Variants in SHROOM3 observed in about 807,000 individuals in gnomAD.
SHROOM3 encodes shroom family member 3.
In SHROOM3, 47 loss-of-function variants were observed where a neutral mutation model predicts 138.6. The ratio of observed to expected loss-of-function variants is 0.34; its 90% CI spans 0.27 to 0.43. SHROOM3 has a LOEUF of 0.43. Among genes scored for constraint, SHROOM3 ranks in the 20% least tolerant of loss-of-function variants. The probability of loss-of-function intolerance (pLI) is 1.00; values close to 1 mark genes in which losing one functional copy is unlikely to be tolerated. For missense variants in SHROOM3, 2,491 were observed against 2,596.5 expected (o/e 0.96, Z 0.88); for synonymous variants, 1,062 against 1,063.3 (o/e 1.00, Z 0.02).
chr4:76,742,153 T>C, intron 5 of SHROOM3: 1 of 473,058 alleles, frequency 2.1e-6, no homozygotes, highest in Non-Finnish European at 3.6e-6. Flanking sequence ...ATACAGATTC[T>C]CTATCTATCT....
chr4:76,741,856 G>C lies in SHROOM3; in HGVS notation c.3683G>C (p.Arg1228Pro). 6.2e-7 allele frequency: 1 copy of C among 1,610,272 alleles called. No individual in the cohort carries two copies. The highest frequency in any genetic ancestry group is 8.5e-7 in the Non-Finnish European group (1 of 1,179,176). ...ATGTCGGCCGAGGACCTGCTGGAACGCTCGGACGTCCTTGCGGGCCCTGTC... is the reference window on the plus strand; with the variant it reads ...ATGTCGGCCGAGGACCTGCTGGAACCCTCGGACGTCCTTGCGGGCCCTGTC... ...KSMSAEDLLERSDVLAGPVHV... is the reference protein window; with the variant it reads ...KSMSAEDLLEPSDVLAGPVHV... Residue 1228 changes from arginine (R) to proline (P), a missense_variant, in exon 5 of 11, where the codon CGC becomes CCC. Coordinates refer to ENST00000296043, the MANE Select transcript of SHROOM3 (RefSeq NM_020859.4). The surrounding 1 kb of genome is among the most constrained non-coding windows in gnomAD (Gnocchi z 6.2).
chr4:76,761,997 T>C (rs1722002264), intron 9 of SHROOM3, among the ~76,000 whole-genome samples: 1 of 152,182 alleles, frequency 6.6e-6, no homozygotes, highest in South Asian at 2.1e-4. Context: ...GGAAAGGTTA[T>C]AGGATTCGAG....
At chr4:76,710,386 G>A in intron 3 of SHROOM3, 99 bp downstream of exon 3, 2 of 1,439,316 alleles carry the variant, frequency 1.4e-6, no homozygotes, top group Admixed American at 1.9e-5. Flanking sequence ...AGGATGGTCA[G>A]GATACAGGCT....
At chr4:76,620,705 G>A (rs1046764834) in intron 2 of SHROOM3, among the ~76,000 whole-genome samples, 15 of 152,260 alleles carry the variant, frequency 9.9e-5, no homozygotes, top group Middle Eastern at 3.4e-3. Flanking sequence ...AGGCAGAGGC[G>A]GAAAGGGCAG....
At chr4:76,607,880 C>A (rs1015943558) in intron 2 of SHROOM3, among the ~76,000 whole-genome samples, 4 of 152,202 alleles carry the variant, frequency 2.6e-5, no homozygotes, top group Admixed American at 1.3e-4. Flanking sequence ...CCATTTTAAT[C>A]AGTAGTAACA....
At chr4:76,526,840 G>A (rs17254511) in intron 1 of SHROOM3, among the ~76,000 whole-genome samples, 75,821 of 151,994 alleles carry the variant, frequency 0.5, 19,285 homozygotes, top group African/African-American at 0.58. Context: ...TGATGTCTAT[G>A]ACAGATCAAA....
At chr4:76,638,449 C>T (rs886784107) in intron 2 of SHROOM3, among the ~76,000 whole-genome samples, 7 of 152,006 alleles carry the variant, frequency 4.6e-5, no homozygotes, top group African/African-American at 1.4e-4. Context: ...ACTCAGGAGG[C>T]GAGGCAGGAG....
intron 1 of SHROOM3, among the ~76,000 whole-genome samples, chr4:76,524,911 A>G (rs1732657741): frequency 6.6e-6 from 1 of 152,154 alleles, no homozygotes; most frequent in African/African-American, 2.4e-5. Flanking sequence ...GGCTGAAATG[A>G]TTTCCTCTAT....
chr4:76,578,891 TG>T (rs1463578555), intron 2 of SHROOM3, among the ~76,000 whole-genome samples: 1 of 152,240 alleles, frequency 6.6e-6, no homozygotes, highest in Non-Finnish European at 1.5e-5. Flanking sequence ...TAAAGTTTTT[TG>T]TGCGAATTTA....
intron 1 of SHROOM3, among the ~76,000 whole-genome samples, chr4:76,464,152 G>GAAAGCAGCCT (rs1731201051): frequency 6.6e-6 from 1 of 152,228 alleles, no homozygotes; most frequent in Non-Finnish European, 1.5e-5. Flanking sequence ...AAGCAGCTGT[G>GAAAGCAGCCT]GGGGCCATAA....
intron 3 of SHROOM3, among the ~76,000 whole-genome samples, chr4:76,721,686 T>C (rs542059899): frequency 2.6e-5 from 4 of 152,292 alleles, no homozygotes; most frequent in African/African-American, 9.6e-5. Flanking sequence ...GAATATGTAT[T>C]GTTGAGTAAA....
chr4:76,643,951 TCTCCTGC>T (rs770130981), intron 2 of SHROOM3, among the ~76,000 whole-genome samples: 2 of 152,012 alleles, frequency 1.3e-5, no homozygotes, highest in Non-Finnish European at 2.9e-5. Flanking sequence ...TTCAAGCCAT[TCTCCTGC>T]CTCGGCCTCC....
chr4:76,735,578 G>A (rs1291984604), intron 4 of SHROOM3, among the ~76,000 whole-genome samples: 2 of 151,646 alleles, frequency 1.3e-5, no homozygotes, highest in Non-Finnish European at 2.9e-5. Context: ...GGTGGCTCAC[G>A]CCTGTAATCC....
chr4:76,529,539 A>G (rs1359775927), intron 1 of SHROOM3, among the ~76,000 whole-genome samples: 1 of 151,894 alleles, frequency 6.6e-6, no homozygotes, highest in East Asian at 1.9e-4. Context: ...GTTAGCCAGG[A>G]TGGTCTCGAT....
At position 76,688,978 on chromosome 4, in the gene SHROOM3, T is replaced by TTA. The variant is rs1719415735; in HGVS notation, c.324-21178_324-21177insTA. 3 of 757,934 alleles carry TTA rather than the reference T, an allele frequency of 4.0e-6. No homozygotes were observed. The African/African-American group carries it at 5.8e-5, about 15-fold the overall frequency. The allele number at this position is 757,934 out of a possible 1,614,324, so 47.0% of individuals were successfully genotyped here. A position where few individuals can be genotyped will look rare whatever the true frequency, so the allele number is the denominator to read the frequency against. ...AATGCGAGCTTTTTTTTTTTTTTTT[T>TTA]AGCTGTGAACTTTTTACCTTGCTTC... On this transcript the variant is annotated intron_variant, in intron 2 of 10. Coordinates refer to ENST00000296043, the MANE Select transcript of SHROOM3 (RefSeq NM_020859.4).
intron 3 of SHROOM3, among the ~76,000 whole-genome samples, chr4:76,712,516 C>T (rs1720257240): frequency 6.6e-6 from 1 of 152,218 alleles, no homozygotes; most frequent in Non-Finnish European, 1.5e-5. Flanking sequence ...TACTTACTAT[C>T]TTAAACATAA....
intron 2 of SHROOM3, among the ~76,000 whole-genome samples, chr4:76,602,011 T>A (rs950457542): frequency 1.3e-5 from 2 of 152,138 alleles, no homozygotes; most frequent in African/African-American, 4.8e-5. Flanking sequence ...TGTTTTGTGG[T>A]GATAAAGAGA....
chr4:76,698,739 C>A (rs976061858), intron 2 of SHROOM3, among the ~76,000 whole-genome samples: 6 of 152,152 alleles, frequency 3.9e-5, no homozygotes, highest in Non-Finnish European at 8.8e-5. Context: ...GCGACTCCTG[C>A]CAGTGAGAGG....
Position 76,741,455 on chromosome 4 carries a change from C to A in SHROOM3, c.3282C>A (p.Thr1094=), listed in dbSNP as rs755583958. The A allele has an allele frequency of 1.3e-6, 2 of 1,576,572 alleles. No individual in the cohort carries two copies. The highest frequency in any genetic ancestry group is 1.8e-5 in the Admixed American group (1 of 55,610). The change falls in exon 5 of 11, where the codon ACC becomes ACA. Residue 1094 remains threonine, a synonymous_variant. Transcript: ENST00000296043. The surrounding 1 kb of genome is among the most constrained non-coding windows in gnomAD (Gnocchi z 6.2). ...TGGCGGACTACATCCAGCGCAAGAC[C>A]GGCAAGCGGCCTACCTCCGCCGCCG... ...SALADYIQRK[T]GKRPTSAAGC...
Sources: gnomAD v4.1 joint callset for allele counts (sites outside exome capture counted in the v4.1 genomes callset) on GRCh38, gnomAD v4.1.1 for gene constraint, Gnocchi (gnomAD v3.1) non-coding constraint, MANE v1.5 for transcripts, NCBI Gene and HGNC (gene_info 2026-07-23, HGNC 2026-07-21) for gene names.